Variants in PTPRK observed in about 807,000 individuals in gnomAD.
PTPRK encodes receptor-type tyrosine-protein phosphatase kappa.
Under a neutral mutation model 178.0 loss-of-function variants are expected in PTPRK, and 75 were observed. That is an observed-to-expected ratio of 0.42 (90% CI 0.35 to 0.51). The LOEUF (loss-of-function observed/expected upper bound fraction) is 0.51, where lower values mean the gene tolerates loss of function less well. Ranked by LOEUF, PTPRK falls within the 20% of genes least tolerant of loss-of-function variation. PTPRK has a pLI of 0.02. For missense variants in PTPRK, 1,441 were observed against 1,797.8 expected, an observed-to-expected ratio of 0.80 and a Z score of 3.59; for synonymous variants, 637 against 620.6, an observed-to-expected ratio of 1.03 and a Z score of -0.39.
chr6:128,396,728 G>A (rs1372941038), intron 2 of PTPRK, among the ~76,000 whole-genome samples: 5 of 152,222 alleles, frequency 3.3e-5, no homozygotes, highest in Middle Eastern at 3.4e-3. Context: ...TGCTGGGCGC[G>A]GTGGCTCACG....
At chr6:128,014,980 T>C (rs938372198) in intron 13 of PTPRK, among the ~76,000 whole-genome samples, 2 of 151,672 alleles carry the variant, frequency 1.3e-5, no homozygotes, top group Non-Finnish European at 3.0e-5. Context: ...TCTCCTTTAA[T>C]AATGATATGG....
chr6:128,375,069 T>TTAC (rs1836847814), intron 2 of PTPRK, among the ~76,000 whole-genome samples: 1 of 145,996 alleles, frequency 6.8e-6, no homozygotes, highest in East Asian at 2.0e-4. Context: ...ATTATTATTA[T>TTAC]TATTATTATT....
intron 1 of PTPRK, among the ~76,000 whole-genome samples, chr6:128,507,727 G>C (rs1341916461): frequency 6.6e-6 from 1 of 152,054 alleles, no homozygotes; most frequent in African/African-American, 2.4e-5. Flanking sequence ...AAACAACCAG[G>C]GATTATGCAT....
intron 6 of PTPRK, among the ~76,000 whole-genome samples, chr6:128,215,955 G>T (rs1809203489): frequency 6.6e-6 from 1 of 152,070 alleles, no homozygotes; most frequent in Non-Finnish European, 1.5e-5. Context: ...ACCCCCGAGA[G>T]TATGTTTTTG....
intron 7 of PTPRK, among the ~76,000 whole-genome samples, chr6:128,097,333 C>T (rs555297983): frequency 3.9e-5 from 6 of 152,124 alleles, no homozygotes; most frequent in Non-Finnish European, 8.8e-5. Context: ...CTAAGCACAT[C>T]ATCAATTAAA....
chr6:128,107,101 GATAA>G (rs1283353746), intron 7 of PTPRK, among the ~76,000 whole-genome samples: 3 of 151,938 alleles, frequency 2.0e-5, no homozygotes, highest in African/African-American at 2.4e-5. Flanking sequence ...AATACATTCT[GATAA>G]ATAACCAAAA....
At chr6:127,983,030 T>G in intron 23 of PTPRK, 50 bp from the exon 24 acceptor site, 1 of 1,539,062 alleles carries the variant, frequency 6.5e-7, no homozygotes, top group Non-Finnish European at 8.8e-7. Flanking sequence ...AGTATCACTT[T>G]TCTGTCATCA....
chr6:127,987,264 C>T, intron 21 of PTPRK, among the ~76,000 whole-genome samples: 1 of 136,056 alleles, frequency 7.3e-6, no homozygotes, highest in South Asian at 2.4e-4. Context: ...TTTTCTTGTT[C>T]TAAATAACAA....
At chr6:128,113,988 C>A (rs1791087305) in intron 7 of PTPRK, among the ~76,000 whole-genome samples, 1 of 152,048 alleles carries the variant, frequency 6.6e-6, no homozygotes, top group Non-Finnish European at 1.5e-5. Flanking sequence ...CAACATATAA[C>A]AAGAAAGCCT....
chr6:128,344,352 C>A (rs150895468), intron 2 of PTPRK, among the ~76,000 whole-genome samples: 1 of 152,272 alleles, frequency 6.6e-6, no homozygotes, highest in African/African-American at 2.4e-5. Context: ...AAGGTCAACT[C>A]AAGTTACATC....
At chr6:128,184,382 T>C in intron 7 of PTPRK, 50 bp downstream of exon 7, 2 of 1,557,124 alleles carry the variant, frequency 1.3e-6, no homozygotes, top group South Asian at 1.2e-5. Context: ...TTAATGTGTC[T>C]TATGCTAGAT....
intron 1 of PTPRK, 94 bp from the exon 2 acceptor site, chr6:128,397,782 T>C (rs1840512726): frequency 8.3e-7 from 1 of 1,208,490 alleles, no homozygotes; most frequent in African/African-American, 1.5e-5. Flanking sequence ...ATATATATAA[T>C]GTTACTCACA....
At chr6:128,194,935 C>A (rs1385426960) in intron 6 of PTPRK, among the ~76,000 whole-genome samples, 1 of 151,624 alleles carries the variant, frequency 6.6e-6, no homozygotes. Flanking sequence ...ATCCAGTAAA[C>A]AAGATATCAA....
intron 2 of PTPRK, among the ~76,000 whole-genome samples, chr6:128,347,653 C>T (rs1832594233): frequency 6.6e-6 from 1 of 152,044 alleles, no homozygotes; most frequent in Non-Finnish European, 1.5e-5. Flanking sequence ...AAAGCAATCT[C>T]ATCTGTCAGA....
chr6:128,307,266 A>T (rs1457369530), intron 3 of PTPRK, among the ~76,000 whole-genome samples: 1 of 151,176 alleles, frequency 6.6e-6, no homozygotes, highest in Admixed American at 6.6e-5. Flanking sequence ...AAAAAAATGT[A>T]TATGCATGAA....
intron 2 of PTPRK, among the ~76,000 whole-genome samples, chr6:128,355,435 C>A (rs529395810): frequency 6.6e-6 from 1 of 152,120 alleles, no homozygotes. Context: ...ATTTTTTGTG[C>A]CTTTAACACA....
At chr6:128,408,584 G>A (rs1259357532) in intron 1 of PTPRK, among the ~76,000 whole-genome samples, 1 of 152,136 alleles carries the variant, frequency 6.6e-6, no homozygotes, top group Admixed American at 6.5e-5. Flanking sequence ...GTACTTTGAG[G>A]GCAACTTGGT....
chr6:128,433,272 C>T (rs746761517), intron 1 of PTPRK, among the ~76,000 whole-genome samples: 19 of 151,920 alleles, frequency 1.3e-4, no homozygotes, highest in Non-Finnish European at 2.1e-4. Context: ...CTTTCCACCC[C>T]GCAACCCACA....
chr6:128,144,787 T>C (rs1218460354), intron 7 of PTPRK, among the ~76,000 whole-genome samples: 1 of 152,204 alleles, frequency 6.6e-6, no homozygotes, highest in Non-Finnish European at 1.5e-5. Context: ...TAAATGCATA[T>C]ATTGCACCAA....
Sources: allele counts gnomAD v4.1 joint callset (sites outside exome capture counted in the v4.1 genomes callset), GRCh38; gene constraint gnomAD v4.1.1; transcripts MANE v1.5; gene names NCBI Gene and HGNC (gene_info 2026-07-23, HGNC 2026-07-21).